The following FCRL1 variants were observed in gnomAD, a reference collection of about 807,000 sequenced individuals.
FCRL1 encodes the protein Fc receptor like 1.
A neutral mutation model predicts 49.2 loss-of-function variants in FCRL1; 34 were observed. That is an observed-to-expected ratio of 0.69 (90% CI 0.53 to 0.92). The LOEUF (loss-of-function observed/expected upper bound fraction) is 0.92. Among genes scored for constraint, FCRL1 ranks in the 40% least tolerant of loss-of-function variants. FCRL1 has a pLI of 0.00. For synonymous variants in FCRL1, 218 were observed against 201.6 expected (o/e 1.08, Z -0.69); for missense variants, 524 against 524.1 (o/e 1.00, Z 0.00).
At position 157,802,628 on chromosome 1, in the gene FCRL1, G is replaced by A. The variant is rs141381579; in HGVS notation, c.356C>T (p.Pro119Leu). 1 of 1,613,826 alleles carries A rather than the reference G, an allele frequency of 6.2e-7. No individual in the cohort carries two copies. Among genetic ancestry groups the A allele is most frequent in the Non-Finnish European group, 8.5e-7 (1 of 1,179,950 alleles). Reference protein sequence around the residue: ...PVADVSLETQPPGGQVMEGDR... With the variant: ...PVADVSLETQLPGGQVMEGDR... Reference sequence around the variant, plus strand: ...TCCCTCCATCACCTGTCCTCCTGGGGGCTGAGTCTCCAAGCTCACATCAGC... The same window carrying A: ...TCCCTCCATCACCTGTCCTCCTGGGAGCTGAGTCTCCAAGCTCACATCAGC... Residue 119 changes from proline (P) to leucine (L), a missense_variant, in exon 4 of 11, where the codon CCC (proline) becomes CTC (leucine). Coordinates refer to ENST00000368176, the MANE Select transcript of FCRL1 (RefSeq NM_052938.5).
In FCRL1 at chr1:157,801,003, T is replaced by C. The variant is rs187966095; in HGVS notation, c.1003+458A>G. ...AACTCCCTGGTTCAAGTGATTCTCC[T>C]GCTTCAGCCTCCCAAGTAGCTGGGA... On this transcript the variant is annotated intron_variant, in intron 6 of 10. Coordinates refer to ENST00000368176, the MANE Select transcript of FCRL1 (RefSeq NM_052938.5). 2.6e-5 allele frequency among the ~76,000 whole-genome samples: 4 copies of C among 152,250 alleles called. No homozygotes were observed. The East Asian group carries it at 5.8e-4, about 22-fold the overall frequency.
Position 157,809,937 on chromosome 1 carries a change from T to C in FCRL1, c.32-2815A>G, listed in dbSNP as rs1398079129. On this transcript the variant is annotated intron_variant, in intron 1 of 10. Transcript: ENST00000368176. ...AGACCCTGACTCTAAAAAAATTAAA[T>C]AATTTAGCAAAGAAACTGAAAAGTA... Among the ~76,000 whole-genome samples, 3 of 152,038 alleles carry C rather than the reference T, an allele frequency of 2.0e-5. No homozygotes were observed. In the East Asian group the frequency reaches 5.8e-4, roughly 29 times the overall value.
intron 7 of FCRL1, among the ~76,000 whole-genome samples, chr1:157,799,398 A>G (rs1014820448): frequency 2.0e-5 from 3 of 152,080 alleles, no homozygotes; most frequent in Non-Finnish European, 4.4e-5. Context: ...ATTTGTTTGT[A>G]TCCTCTTTTA....
chr1:157,810,243 GAGA>G (rs1654108451), intron 1 of FCRL1, among the ~76,000 whole-genome samples: 1 of 151,962 alleles, frequency 6.6e-6, no homozygotes, highest in Non-Finnish European at 1.5e-5. Context: ...TTAGGAATGG[GAGA>G]AGATTTGACC....
intron 10 of FCRL1, 35 bp from the exon 11 acceptor site, chr1:157,796,205 C>T (rs1651443848): frequency 6.4e-7 from 1 of 1,565,092 alleles, no homozygotes; most frequent in Non-Finnish European, 8.8e-7. Context: ...GCAGGGAAGA[C>T]AAGCAGAACA....
In FCRL1 at chr1:157,804,051, C is replaced by T. The variant is rs899055335; in HGVS notation, c.113G>A (p.Cys38Tyr). The stretch of plus-strand genomic sequence containing the variant: ...TGAACTCTGTAGAAAGGGCATCTTA[C>T]ACGTCAGGGTCACTGGGCTCCCCTC... ...PTEGSPVTLT[C>Y]KMPFLQSSDA... The change falls in exon 3 of 11, where the codon TGT becomes TAT. Residue 38 changes from cysteine (C) to tyrosine (Y), a missense_variant. Cys to Tyr is a radical substitution (Grantham distance 194). Coordinates refer to ENST00000368176, the MANE Select transcript of FCRL1 (RefSeq NM_052938.5). 6.2e-7 allele frequency: 1 copy of T among 1,614,094 alleles called. No individual in the cohort carries two copies. The highest frequency in any genetic ancestry group is 8.5e-7 in the Non-Finnish European group (1 of 1,180,042).
intron 10 of FCRL1, 73 bp from the exon 11 acceptor site, chr1:157,796,243 A>T: frequency 1.7e-6 from 2 of 1,209,272 alleles, no homozygotes; most frequent in Admixed American, 1.7e-5. Context: ...TTCCCCAGTT[A>T]GCTTGGATGC....
chr1:157,805,907 G>A (rs188283139), intron 2 of FCRL1, among the ~76,000 whole-genome samples: 37 of 152,140 alleles, frequency 2.4e-4, no homozygotes, highest in Admixed American at 2.2e-3. Flanking sequence ...AAAAAGAAAG[G>A]CATTTAGCAT....
rs1301367278 is a variant in FCRL1, at chr1:157,797,081, A to G, written c.1218+20T>C. 2 of 1,612,318 alleles carry G rather than the reference A, an allele frequency of 1.2e-6. No homozygotes were observed. The highest frequency in any genetic ancestry group is 1.7e-6 in the Non-Finnish European group (2 of 1,178,866). ...AGAGGAAAGAAAGAACATGGAAGAA[A>G]GAACAATAGAGACTCTTACCTTGTC... On this transcript the variant is annotated intron_variant, in intron 10 of 10. Coordinates refer to ENST00000368176, the MANE Select transcript of FCRL1 (RefSeq NM_052938.5).
intron 1 of FCRL1, among the ~76,000 whole-genome samples, chr1:157,818,468 C>T (rs1172786875): frequency 5.3e-5 from 8 of 151,798 alleles, no homozygotes; most frequent in Admixed American, 3.9e-4. Flanking sequence ...CATAGAAGGA[C>T]GGTGCAGAAT....
rs752903340 is a variant in FCRL1 at position 157,802,476 on chromosome 1, T to A, written c.508A>T (p.Ile170Phe). 1 of 1,614,182 alleles carries A rather than the reference T, an allele frequency of 6.2e-7. No individual in the cohort carries two copies. Among genetic ancestry groups the A allele is most frequent in the South Asian group, 1.1e-5 (1 of 91,086 alleles). The part of the protein sequence containing the change: ...TQRSLTAEYE[I>F]PSVRESDAEQ... The stretch of plus-strand genomic sequence containing the variant: ...GCATCACTCTCCCTCACTGAAGGAA[T>A]CTCATACTCTGCTGTCAGTGAACGC... Residue 170 changes from isoleucine to phenylalanine, a missense_variant, in exon 4 of 11, where the codon ATT becomes TTT. Coordinates refer to ENST00000368176, the MANE Select transcript of FCRL1 (RefSeq NM_052938.5).
At chr1:157,803,459 C>T (rs767333295) in intron 3 of FCRL1, among the ~76,000 whole-genome samples, 3 of 152,216 alleles carry the variant, frequency 2.0e-5, no homozygotes, top group Non-Finnish European at 2.9e-5. Context: ...CTTCTCTGAA[C>T]ATCTCAGTCC....
intron 9 of FCRL1, 194 bp downstream of exon 9, chr1:157,797,673 GA>G: frequency 7.0e-7 from 1 of 1,424,922 alleles, no homozygotes; most frequent in South Asian, 1.2e-5. Context: ...CCAGGGGAAA[GA>G]AAGAACCTTA....
chr1:157,807,649 A>T (rs1653689538), intron 1 of FCRL1, among the ~76,000 whole-genome samples: 1 of 152,228 alleles, frequency 6.6e-6, no homozygotes, highest in Non-Finnish European at 1.5e-5. Flanking sequence ...TACCAATTTC[A>T]GATCAGAGGA....
At chr1:157,816,856 T>C (rs1655102060) in intron 1 of FCRL1, among the ~76,000 whole-genome samples, 1 of 151,798 alleles carries the variant, frequency 6.6e-6, no homozygotes, top group Non-Finnish European at 1.5e-5. Context: ...TGTTTCTATA[T>C]ACTAATAGTG....
intron 1 of FCRL1, among the ~76,000 whole-genome samples, chr1:157,815,660 A>G: frequency 6.6e-6 from 1 of 151,922 alleles, no homozygotes; most frequent in East Asian, 1.9e-4. Flanking sequence ...AGATCAATGA[A>G]ATGAGTCAGT....
chr1:157,797,917 C>A lies in FCRL1; in HGVS notation c.1137G>T (p.Glu379Asp). 1.4e-5 allele frequency: 22 copies of A among 1,614,164 alleles called. No individual in the cohort carries two copies. Among genetic ancestry groups the A allele is most frequent in the Non-Finnish European group, 1.9e-5 (22 of 1,180,026 alleles). Residue 379 changes from glutamate to aspartate, a missense_variant, in exon 9 of 11, where the codon GAG becomes GAT. Glu to Asp is a conservative substitution (Grantham distance 45, BLOSUM62 2). Coordinates refer to ENST00000368176, the MANE Select transcript of FCRL1 (RefSeq NM_052938.5). Reference protein sequence around the residue: ...YENVNVVSGDEVYSLAYYNQP... With the variant: ...YENVNVVSGDDVYSLAYYNQP... ...GGTTATAGTACGCCAGTGAATAAAC[C>A]TCATCCCCACTTACAACATTCACTG...
At chr1:157,797,807 T>C (rs375109334) in intron 9 of FCRL1, 61 bp downstream of exon 9, 3 of 1,613,390 alleles carry the variant, frequency 1.9e-6, no homozygotes, top group South Asian at 1.1e-5. Context: ...CAGCCACTGA[T>C]TGTTCTCTTG....
intron 10 of FCRL1, among the ~76,000 whole-genome samples, chr1:157,796,656 C>T (rs3811026): frequency 0.13 from 20,250 of 152,172 alleles, 1,593 homozygotes; most frequent in East Asian, 0.23. Context: ...GTGGTGATAC[C>T]TTGAATTATT....
Sources: gnomAD v4.1 joint callset for allele counts (sites outside exome capture counted in the v4.1 genomes callset) on GRCh38, gnomAD v4.1.1 for gene constraint, MANE v1.5 for transcripts, NCBI Gene and HGNC (gene_info 2026-07-23, HGNC 2026-07-21) for gene names.